Variants in RSPH14 observed in about 807,000 individuals in gnomAD.
RSPH14 encodes radial spoke head 14 homolog, also known as rhabdoid tumor deletion region gene 1.
A neutral mutation model predicts 26.7 loss-of-function variants in RSPH14; 20 were observed. The ratio of observed to expected loss-of-function variants is 0.75; its 90% confidence interval spans 0.53 to 1.09. The LOEUF is 1.09. Ranked by LOEUF, RSPH14 falls within the 50% of genes least tolerant of loss-of-function variation. RSPH14 has a pLI of 0.00. For missense variants in RSPH14, 449 were observed against 457.2 expected (o/e 0.98, Z 0.16); for synonymous variants, 177 against 189.3 (o/e 0.93, Z 0.53).
At chr22:23,063,411 A>C (rs926727597) in intron 5 of RSPH14, among the ~76,000 whole-genome samples, 3 of 152,198 alleles carry the variant, frequency 2.0e-5, no homozygotes, top group African/African-American at 7.2e-5. Context: ...TGCCCCCTGC[A>C]GCTTTGAGGC....
the RSPH14 span, among the ~76,000 whole-genome samples, chr22:23,152,873 T>C: frequency 6.6e-6 from 1 of 152,314 alleles, no homozygotes; most frequent in East Asian, 1.9e-4. Context: ...TTCCCCACAT[T>C]GTCCTTGCTG....
At chr22:23,085,826 G>A (rs2068802658) in intron 4 of RSPH14, among the ~76,000 whole-genome samples, 1 of 152,224 alleles carries the variant, frequency 6.6e-6, no homozygotes, top group Non-Finnish European at 1.5e-5. Flanking sequence ...GGTGGCCTAA[G>A]GCCACAGCTA....
the RSPH14 span, among the ~76,000 whole-genome samples, chr22:23,173,622 GTT>G: frequency 6.2e-3 from 691 of 112,318 alleles, 7 homozygotes; most frequent in African/African-American, 0.023. Context: ...TTTATTTTTG[GTT>G]TTTTGTTTTT....
the RSPH14 span, among the ~76,000 whole-genome samples, chr22:23,165,917 C>T: frequency 3.3e-5 from 5 of 152,058 alleles, no homozygotes; most frequent in Admixed American, 2.0e-4. Context: ...GAGGCCAAGG[C>T]GGGCGGATCA....
chr22:23,143,543 A>T (rs576635531), upstream of RSPH14, among the ~76,000 whole-genome samples: 1 of 152,118 alleles, frequency 6.6e-6, no homozygotes, highest in African/African-American at 2.4e-5. Flanking sequence ...TGCCCCTCAT[A>T]TTATCTCCTA....
chr22:23,150,392 C>T, the RSPH14 span, among the ~76,000 whole-genome samples: 1 of 151,212 alleles, frequency 6.6e-6, no homozygotes, highest in East Asian at 2.0e-4. Flanking sequence ...AGCTCTGCCT[C>T]CCGGGTTCAT....
intron 4 of RSPH14, among the ~76,000 whole-genome samples, chr22:23,093,792 C>T (rs984100820): frequency 6.6e-6 from 1 of 152,104 alleles, no homozygotes; most frequent in African/African-American, 2.4e-5. Context: ...GGGAAAGAGG[C>T]GGCATTAGAG....
At chr22:23,123,045 C>G in intron 4 of RSPH14, 4 of 1,353,370 alleles carry the variant, frequency 3.0e-6, no homozygotes, top group Non-Finnish European at 4.2e-6. Flanking sequence ...CTGTCTCTGC[C>G]TGCTGCGGGC....
chr22:23,161,626 G>C, the RSPH14 span: 20 of 1,418,790 alleles, frequency 1.4e-5, no homozygotes, highest in Middle Eastern at 5.6e-4. Flanking sequence ...TTCCGTGACT[G>C]TGGTGTGGAG....
chr22:23,129,883 A>G (rs551000325), intron 4 of RSPH14, among the ~76,000 whole-genome samples: 1 of 151,112 alleles, frequency 6.6e-6, no homozygotes, highest in South Asian at 2.1e-4. Context: ...CCATGCCACT[A>G]CAGTACAGCC....
chr22:23,094,855 G>A (rs545606432), intron 4 of RSPH14, among the ~76,000 whole-genome samples: 3 of 152,382 alleles, frequency 2.0e-5, no homozygotes, highest in Admixed American at 1.3e-4. Flanking sequence ...CTGGCCACCC[G>A]TGTAAAACAG....
chr22:23,145,067 G>A (rs1246018984), upstream of RSPH14: 2 of 471,968 alleles, frequency 4.2e-6, no homozygotes, highest in African/African-American at 3.9e-5. Context: ...TGGTAGGCAG[G>A]TCTATCTTCT....
chr22:23,067,501 G>A (rs2068238344), intron 4 of RSPH14, among the ~76,000 whole-genome samples: 1 of 152,230 alleles, frequency 6.6e-6, no homozygotes, highest in African/African-American at 2.4e-5. Flanking sequence ...CACCTGTCCA[G>A]CTTTAGCCTT....
intron 3 of RSPH14, chr22:23,136,364 C>G (rs961647233): frequency 3.0e-6 from 2 of 666,534 alleles, no homozygotes; most frequent in Admixed American, 2.3e-5. Context: ...CTGGGCAGTT[C>G]AGGGCAGCTA....
chr22:23,153,103 G>T, the RSPH14 span: 7 of 1,614,146 alleles, frequency 4.3e-6, no homozygotes, highest in Non-Finnish European at 5.9e-6. Context: ...TGAGCGCTTT[G>T]AGATTGCTGG....
upstream of RSPH14, among the ~76,000 whole-genome samples, chr22:23,148,193 C>T (rs2070909339): frequency 6.6e-6 from 1 of 152,146 alleles, no homozygotes; most frequent in African/African-American, 2.4e-5. Context: ...GTTCCTTCTT[C>T]ACACACCTAC....
intron 4 of RSPH14, among the ~76,000 whole-genome samples, chr22:23,085,516 A>AG (rs1186121102): frequency 6.6e-6 from 1 of 152,204 alleles, no homozygotes; most frequent in African/African-American, 2.4e-5. Flanking sequence ...GAGCAACGGG[A>AG]GAAGCAGTGG....
At position 23,059,518 on chromosome 22, in the gene RSPH14, C is replaced by G. The variant is rs35881601; in HGVS notation, c.991G>C (p.Glu331Gln). The change falls in exon 7 of 7, where the codon GAA (glutamate) becomes CAA (glutamine). Residue 331 changes from glutamate to glutamine, a missense_variant. By Grantham distance (29) the Glu-to-Gln change is conservative (BLOSUM62 2). Coordinates refer to ENST00000216036, the MANE Select transcript of RSPH14 (RefSeq NM_014433.3). ...ATCCGGGCTGCCCGCTGTAAGGCTT[C>G]GGCCACTTGAGGCTTTTCGTAAGTC... The part of the protein sequence containing the change: ...VETYEKPQVA[E>Q]ALQRAARIAI... 3 of 1,614,140 alleles carry G rather than the reference C, an allele frequency of 1.9e-6. No homozygotes were observed. In the Admixed American group the frequency reaches 5.0e-5, roughly 27 times the overall value.
intron 4 of RSPH14, among the ~76,000 whole-genome samples, chr22:23,077,363 C>A (rs534252930): frequency 1.3e-5 from 2 of 152,272 alleles, no homozygotes; most frequent in South Asian, 4.2e-4. Context: ...CAGGGTCCAA[C>A]CCCATGCTTC....
Sources: gnomAD v4.1 joint callset for allele counts (sites outside exome capture counted in the v4.1 genomes callset) on GRCh38, gnomAD v4.1.1 for gene constraint, MANE v1.5 for transcripts, NCBI Gene and HGNC (gene_info 2026-07-23, HGNC 2026-07-21) for gene names.